Variants in TAFA2 observed in about 807,000 individuals in gnomAD.
TAFA2 encodes the protein chemokine-like protein TAFA-2.
A neutral mutation model predicts 18.8 loss-of-function variants in TAFA2; 7 were observed. That is an observed-to-expected ratio of 0.37 (90% CI 0.21 to 0.70). The LOEUF (loss-of-function observed/expected upper bound fraction) is 0.70. Among genes scored for constraint, TAFA2 ranks in the 30% least tolerant of loss-of-function variants. The pLI, the probability that TAFA2 is intolerant of heterozygous loss-of-function variation, is 0.53. For synonymous variants in TAFA2, 60 were observed against 54.2 expected (o/e 1.11, Z -0.47); for missense variants, 122 against 158.1 (o/e 0.77, Z 1.23).
At chr12:61,867,217 T>A in intron 2 of TAFA2, 103 bp downstream of exon 2, 1 of 731,994 alleles carries the variant, frequency 1.4e-6, no homozygotes, top group Non-Finnish European at 2.4e-6. Context: ...GGAGAATCTA[T>A]ACCTAGTAAA....
chr12:62,035,733 CTTTTTTTTT>C (rs34859628), intron 1 of TAFA2, among the ~76,000 whole-genome samples: 28 of 60,232 alleles, frequency 4.6e-4, no homozygotes, highest in African/African-American at 6.0e-4. Flanking sequence ...ATGATTCTTT[CTTTTTTTTT>C]TTTTTTTTTT....
At chr12:61,892,107 AGTACACATATGTGTGATATACTTTG>A (rs764027502) in intron 1 of TAFA2, among the ~76,000 whole-genome samples, 1 of 151,814 alleles carries the variant, frequency 6.6e-6, no homozygotes, top group Non-Finnish European at 1.5e-5. Flanking sequence ...GAGGAAGAAA[AGTACACATATGTGTGATATACTTTG>A]GATATACAGA....
chr12:61,796,592 G>A (rs1555166205), intron 2 of TAFA2, among the ~76,000 whole-genome samples: 1 of 151,922 alleles, frequency 6.6e-6, no homozygotes, highest in Non-Finnish European at 1.5e-5. Flanking sequence ...AAAACAAGGA[G>A]AAAAAGTTAT....
intron 1 of TAFA2, among the ~76,000 whole-genome samples, chr12:62,013,380 C>T (rs377087464): frequency 2.0e-5 from 3 of 152,202 alleles, no homozygotes; most frequent in East Asian, 3.9e-4. Flanking sequence ...TCCTGGTTAA[C>T]ATATTATAAA....
intron 1 of TAFA2, chr12:62,234,892 T>C: frequency 1.0e-6 from 1 of 981,958 alleles, no homozygotes. Flanking sequence ...CCCACGATCA[T>C]GGGCATCTTG....
At chr12:61,886,146 C>T (rs1875366377) in intron 1 of TAFA2, among the ~76,000 whole-genome samples, 1 of 131,446 alleles carries the variant, frequency 7.6e-6, no homozygotes, top group African/African-American at 3.9e-5. Flanking sequence ...CTTTCTTCTC[C>T]TCTTTTAGGC....
chr12:62,149,163 A>G (rs1230718032), intron 1 of TAFA2, among the ~76,000 whole-genome samples: 1 of 152,220 alleles, frequency 6.6e-6, no homozygotes, highest in Non-Finnish European at 1.5e-5. Flanking sequence ...TATTCTTGAT[A>G]TGAACTCTAG....
chr12:62,175,408 T>C (rs2136945332), intron 1 of TAFA2, among the ~76,000 whole-genome samples: 1 of 152,312 alleles, frequency 6.6e-6, no homozygotes, highest in Admixed American at 6.5e-5. Context: ...TCTAGTTTAA[T>C]ATATAAGACT....
intron 4 of TAFA2, among the ~76,000 whole-genome samples, chr12:61,731,726 T>C (rs1274717475): frequency 6.6e-6 from 1 of 152,144 alleles, no homozygotes; most frequent in Admixed American, 6.6e-5. Flanking sequence ...CTAATTATCA[T>C]TATCCCCAGT....
At chr12:61,964,572 C>G (rs953786874) in intron 1 of TAFA2, among the ~76,000 whole-genome samples, 1 of 151,776 alleles carries the variant, frequency 6.6e-6, no homozygotes, top group Non-Finnish European at 1.5e-5. Flanking sequence ...CAGGCTCCCT[C>G]GATATGACAT....
intron 2 of TAFA2, among the ~76,000 whole-genome samples, chr12:61,767,432 TG>T (rs1869836871): frequency 6.6e-6 from 1 of 152,148 alleles, no homozygotes; most frequent in African/African-American, 2.4e-5. Context: ...TACTGTTTCC[TG>T]TATCTAATTT....
intron 1 of TAFA2, among the ~76,000 whole-genome samples, chr12:62,096,879 C>T (rs1160949768): frequency 6.6e-6 from 1 of 152,136 alleles, no homozygotes; most frequent in Non-Finnish European, 1.5e-5. Flanking sequence ...GTACACATAC[C>T]TGTGCATGTC....
At chr12:61,911,241 C>A (rs7980354) in intron 1 of TAFA2, among the ~76,000 whole-genome samples, 9 of 152,180 alleles carry the variant, frequency 5.9e-5, no homozygotes, top group South Asian at 4.2e-4. Context: ...AGGAGGATCC[C>A]TTCCCTGATT....
chr12:61,912,036 T>G (rs572211824), intron 1 of TAFA2, among the ~76,000 whole-genome samples: 1 of 152,352 alleles, frequency 6.6e-6, no homozygotes, highest in African/African-American at 2.4e-5. Flanking sequence ...TAGTTGCAAT[T>G]TATCAAGTGC....
At chr12:61,844,604 A>G (rs904054326) in intron 2 of TAFA2, among the ~76,000 whole-genome samples, 1 of 152,162 alleles carries the variant, frequency 6.6e-6, no homozygotes. Flanking sequence ...ATTATGATCT[A>G]ATTTGAAATG....
rs200566307 is a variant in TAFA2 at position 62,174,658 on chromosome 12, C to T, written c.-2+16601G>A. Among the ~76,000 whole-genome samples the T allele has an allele frequency of 1.9e-4, 29 of 152,290 alleles. No individual in the cohort carries two copies. In the East Asian group the frequency reaches 4.1e-3, roughly 21 times the overall value. ...GGTCCATCTAAAATTTGAATGCCCT[C>T]AAAATAATGCTGTCTTGGGAACTGT... On this transcript the variant is annotated intron_variant, in intron 1 of 4. Coordinates refer to ENST00000416284, the MANE Select transcript of TAFA2 (RefSeq NM_178539.5).
intron 1 of TAFA2, among the ~76,000 whole-genome samples, chr12:62,123,344 G>T (rs918780419): frequency 1.3e-5 from 2 of 151,978 alleles, no homozygotes; most frequent in Admixed American, 1.3e-4. Context: ...TGCTATCTCA[G>T]ATGTAGGTGC....
At chr12:61,927,228 C>G (rs1401465156) in intron 1 of TAFA2, among the ~76,000 whole-genome samples, 2 of 152,108 alleles carry the variant, frequency 1.3e-5, no homozygotes, top group Non-Finnish European at 2.9e-5. Flanking sequence ...CAAATAGTCT[C>G]TGTTTGCAGA....
At chr12:61,765,480 C>A (rs773438500) in intron 2 of TAFA2, among the ~76,000 whole-genome samples, 2 of 152,064 alleles carry the variant, frequency 1.3e-5, no homozygotes, top group African/African-American at 2.4e-5. Context: ...TAATGATATT[C>A]CTAGTAATGG....
Sources: gnomAD v4.1 joint callset for allele counts (sites outside exome capture counted in the v4.1 genomes callset) on GRCh38, gnomAD v4.1.1 for gene constraint, MANE v1.5 for transcripts, NCBI Gene and HGNC (gene_info 2026-07-23, HGNC 2026-07-21) for gene names.